ATP6V1C2: variants seen among roughly 807,000 people sequenced by gnomAD.
ATP6V1C2 encodes the protein ATPase H+ transporting V1 subunit C2, also known as V-type proton ATPase subunit C 2.
Under a neutral mutation model 56.8 loss-of-function variants are expected in ATP6V1C2, and 45 were observed. The observed-to-expected ratio is 0.79, with a 90% CI of 0.62 to 1.02. The LOEUF (loss-of-function observed/expected upper bound fraction) is 1.02. ATP6V1C2 is among the 50% of genes least tolerant of loss of function. ATP6V1C2 has a pLI of 0.00. For missense variants in ATP6V1C2, 463 were observed against 519.7 expected (o/e 0.89, Z 1.06); for synonymous variants, 220 against 201.3 (o/e 1.09, Z -0.79).
chr2:10,735,314 C>T (rs988165065), intron 3 of ATP6V1C2, among the ~76,000 whole-genome samples: 7 of 151,862 alleles, frequency 4.6e-5, no homozygotes, highest in Non-Finnish European at 8.8e-5. Context: ...GGATTACAGG[C>T]GTGTGCCACC....
intron 2 of ATP6V1C2, among the ~76,000 whole-genome samples, chr2:10,724,565 A>G (rs548087660): frequency 4.2e-4 from 64 of 152,252 alleles, no homozygotes; most frequent in South Asian, 1.2e-3. Context: ...GAAGGTAAAA[A>G]GATAAAAAAA....
intron 4 of ATP6V1C2, among the ~76,000 whole-genome samples, chr2:10,755,225 G>A (rs1307790747): frequency 3.3e-5 from 5 of 151,904 alleles, no homozygotes; most frequent in African/African-American, 9.7e-5. Flanking sequence ...TAGTAGAGAC[G>A]GGGTTTCTCC....
At chr2:10,761,107 C>G (rs529410736) in intron 4 of ATP6V1C2, among the ~76,000 whole-genome samples, 2 of 152,038 alleles carry the variant, frequency 1.3e-5, no homozygotes, top group Non-Finnish European at 2.9e-5. Flanking sequence ...GTTGGGCCAC[C>G]CCTGGAAGGA....
Position 10,757,510 on chromosome 2 carries a change from C to T in ATP6V1C2, c.283+3444C>T, listed in dbSNP as rs117317762. On this transcript the variant is annotated intron_variant, in intron 4 of 13. Coordinates refer to ENST00000272238, the MANE Select transcript of ATP6V1C2 (RefSeq NM_001039362.2). ...TGCTTGGCGTGATGCCCGCATGTCCCGGGAAGGTGGAATCTCGGTCTGGTT... is the reference window on the plus strand; with the variant it reads ...TGCTTGGCGTGATGCCCGCATGTCCTGGGAAGGTGGAATCTCGGTCTGGTT... 1.2e-3 allele frequency: 479 copies of T among 398,510 alleles called. 5 individuals carry two copies. In the East Asian group the frequency reaches 0.017, roughly 14 times the overall value. 24.7% of individuals were successfully genotyped at this position (398,510 alleles called of 1,614,324 possible).
chr2:10,731,518 A>C (rs1053480555), intron 3 of ATP6V1C2, among the ~76,000 whole-genome samples: 4 of 152,220 alleles, frequency 2.6e-5, no homozygotes, highest in African/African-American at 9.6e-5. Flanking sequence ...TAATAAAATA[A>C]TCACATCACA....
intron 4 of ATP6V1C2, among the ~76,000 whole-genome samples, chr2:10,760,227 GGGT>G (rs1195835534): frequency 1.3e-5 from 2 of 151,962 alleles, no homozygotes; most frequent in Admixed American, 1.3e-4. Context: ...AAAAATGGCT[GGGT>G]GTGATGGCGT....
At chr2:10,768,944 A>G in intron 6 of ATP6V1C2, 134 bp downstream of exon 6, 1 of 702,576 alleles carries the variant, frequency 1.4e-6, no homozygotes, top group Non-Finnish European at 2.4e-6. Flanking sequence ...AGGTGGAGGC[A>G]CTCTCACCTC....
intron 13 of ATP6V1C2, 80 bp downstream of exon 13, chr2:10,782,455 C>G (rs911712366): frequency 6.6e-7 from 1 of 1,513,658 alleles, no homozygotes; most frequent in Non-Finnish European, 9.0e-7. Flanking sequence ...CCTGTAATCC[C>G]AACACTTTGG....
chr2:10,732,120 T>G (rs1661981112), intron 3 of ATP6V1C2, among the ~76,000 whole-genome samples: 1 of 152,238 alleles, frequency 6.6e-6, no homozygotes, highest in Non-Finnish European at 1.5e-5. Flanking sequence ...CCCCTTTAGC[T>G]CTGAAATTCT....
At chr2:10,781,891 T>A (rs1052752518) in intron 12 of ATP6V1C2, among the ~76,000 whole-genome samples, 9 of 152,238 alleles carry the variant, frequency 5.9e-5, no homozygotes, top group African/African-American at 2.2e-4. Flanking sequence ...TCTCCTTTAG[T>A]GGAGAAAAAC....
chr2:10,777,362 A>C (rs1057058449), intron 10 of ATP6V1C2, among the ~76,000 whole-genome samples: 1 of 152,102 alleles, frequency 6.6e-6, no homozygotes, highest in Non-Finnish European at 1.5e-5. Context: ...CTGTGCTTGG[A>C]ATATGGAACC....
chr2:10,756,778 G>A (rs2148465039), intron 4 of ATP6V1C2, among the ~76,000 whole-genome samples: 2 of 152,198 alleles, frequency 1.3e-5, no homozygotes, highest in South Asian at 4.2e-4. Context: ...TGCTACAGTT[G>A]CGATAGCCTA....
At chr2:10,743,892 G>A (rs1662703313) in intron 3 of ATP6V1C2, among the ~76,000 whole-genome samples, 1 of 151,808 alleles carries the variant, frequency 6.6e-6, no homozygotes, top group Admixed American at 6.6e-5. Context: ...GGCTGAGGCA[G>A]GAGAATAGCT....
intron 3 of ATP6V1C2, among the ~76,000 whole-genome samples, chr2:10,747,289 G>C (rs947318125): frequency 6.6e-6 from 1 of 152,052 alleles, no homozygotes; most frequent in East Asian, 1.9e-4. Context: ...AGAAAAAAAA[G>C]AAAAGAATTC....
At chr2:10,772,518 C>G (rs757616781) in intron 7 of ATP6V1C2, 24 bp from the exon 8 acceptor site, 4 of 1,605,450 alleles carry the variant, frequency 2.5e-6, no homozygotes, top group Non-Finnish European at 3.4e-6. Context: ...CAAAAAATCA[C>G]GTAACGATTC....
chr2:10,777,843 A>G, intron 11 of ATP6V1C2, 121 bp downstream of exon 11: 1 of 1,271,036 alleles, frequency 7.9e-7, no homozygotes, highest in East Asian at 2.5e-5. Flanking sequence ...TGAGGTCTTA[A>G]ATTTGAGGAG....
chr2:10,783,209 C>T lies in ATP6V1C2; in HGVS notation c.1230C>T (p.Asn410=). The stretch of plus-strand genomic sequence containing the variant: ...AGATCCCGGGACTGCAACTCAATAA[C>T]CAAGACTATTTTCCTTATGTCTACT... ...SVEIPGLQLN[N]QDYFPYVYFH... The change falls in exon 14 of 14, where the codon AAC becomes AAT. Residue 410 remains asparagine (N), a synonymous_variant. Transcript: ENST00000272238. 1 of 1,613,706 alleles carries T rather than the reference C, an allele frequency of 6.2e-7. No individual in the cohort carries two copies. Among genetic ancestry groups the T allele is most frequent in the Non-Finnish European group, 8.5e-7 (1 of 1,179,738 alleles).
chr2:10,773,319 T>C (rs996861158), intron 8 of ATP6V1C2, among the ~76,000 whole-genome samples: 22 of 151,910 alleles, frequency 1.4e-4, no homozygotes, highest in African/African-American at 5.1e-4. Flanking sequence ...TGGCACATAG[T>C]GGGGTAGGGG....
At position 10,765,272 on chromosome 2, in the gene ATP6V1C2, C is replaced by T. The variant is rs1024403112; in HGVS notation, c.378+847C>T. 5.9e-5 allele frequency among the ~76,000 whole-genome samples: 9 copies of T among 152,184 alleles called. No homozygotes were observed. In the South Asian group the frequency reaches 1.2e-3, roughly 21 times the overall value. On this transcript the variant is annotated intron_variant, in intron 5 of 13. Coordinates refer to ENST00000272238, the MANE Select transcript of ATP6V1C2 (RefSeq NM_001039362.2). ...CGAGTCCCAGGGGATGCTATGGGCA[C>T]CTGGAGCTGGGTGACTTCTCTGTAT...
Sources: gnomAD v4.1 joint callset for allele counts (sites outside exome capture counted in the v4.1 genomes callset) on GRCh38, gnomAD v4.1.1 for gene constraint, MANE v1.5 for transcripts, NCBI Gene and HGNC (gene_info 2026-07-23, HGNC 2026-07-21) for gene names.